DMD: variants seen among roughly 807,000 people sequenced by gnomAD.
DMD encodes dystrophin.
In DMD, 63 loss-of-function variants were observed where a neutral mutation model predicts 330.1. The ratio of observed to expected loss-of-function variants is 0.19; its 90% CI spans 0.16 to 0.24. The LOEUF is 0.24. Among genes scored for constraint, DMD ranks in the 10% least tolerant of loss-of-function variants. The probability of loss-of-function intolerance (pLI) is 1.00; values close to 1 mark genes in which losing one functional copy is unlikely to be tolerated. For synonymous variants in DMD, 1,223 were observed against 959.8 expected, an observed-to-expected ratio of 1.27 and a Z score of -5.07; for missense variants, 3,344 against 2,684.1, an observed-to-expected ratio of 1.25 and a Z score of -5.43.
At chrX:31,792,815 C>T (rs112126104) in intron 50 of DMD, among the ~76,000 whole-genome samples, 4,807 of 111,642 alleles carry the variant, frequency 0.043, 109 homozygotes, top group Middle Eastern at 0.12. Flanking sequence ...CTGCCATCCA[C>T]GGACAGCTTA....
chrX:32,123,202 C>T (rs1330393968), intron 44 of DMD, among the ~76,000 whole-genome samples: 28 of 32,556 alleles, frequency 8.6e-4, no homozygotes, highest in Non-Finnish European at 1.2e-3. Context: ...TGTGAGCATG[C>T]ATATATATAT....
intron 62 of DMD, among the ~76,000 whole-genome samples, chrX:31,281,940 A>AT (rs758918748): frequency 5.8e-4 from 65 of 111,471 alleles, no homozygotes; most frequent in Middle Eastern, 4.6e-3. Flanking sequence ...TATGGCCCTC[A>AT]AATGAGTTGA....
At chrX:33,122,774 C>T (rs1037012042) in intron 1 of DMD, among the ~76,000 whole-genome samples, 3 of 111,764 alleles carry the variant, frequency 2.7e-5, no homozygotes, top group Non-Finnish European at 5.6e-5. Flanking sequence ...TAAAAACAAG[C>T]GGGGACCTCC....
At chrX:33,105,883 G>GT (rs1308837188) in intron 1 of DMD, among the ~76,000 whole-genome samples, 1 of 111,649 alleles carries the variant, frequency 9.0e-6, no homozygotes, top group Non-Finnish European at 1.9e-5. Flanking sequence ...AGAACTAGAA[G>GT]TAGGTATACC....
chrX:32,761,309 C>T (rs1603376369), intron 7 of DMD, among the ~76,000 whole-genome samples: 1 of 110,323 alleles, frequency 9.1e-6, no homozygotes, highest in South Asian at 3.8e-4. Flanking sequence ...CGGTGATGCT[C>T]TTCACAGGAG....
intron 9 of DMD, among the ~76,000 whole-genome samples, chrX:32,679,896 T>G (rs1442507006): frequency 2.1e-5 from 2 of 95,136 alleles, no homozygotes; most frequent in African/African-American, 4.0e-5. Flanking sequence ...CGCTCTAATA[T>G]TTGTACTTTT....
At position 33,282,911 on chromosome X, in the gene DMD, G is replaced by A. The variant is rs111751863; in HGVS notation, c.7+56348C>T. On this transcript the variant is annotated intron_variant, in intron 1 of 17. Coordinates refer to the DMD transcript ENST00000288447. ...GCTGCAGTTTATTTTCCTCTAGCGC[G>A]AGGCTCTCAAAGCAGTTTGCTTTTC... is the stretch of plus-strand genomic sequence containing the variant. Among the ~76,000 whole-genome samples, 615 of 112,013 alleles carry A rather than the reference G, an allele frequency of 5.5e-3. 4 individuals are homozygous for A. Among genetic ancestry groups the A allele is most frequent in the African/African-American group, 0.019 (587 of 30,821 alleles).
chrX:32,662,544 T>G (rs2061013365), intron 9 of DMD, among the ~76,000 whole-genome samples: 1 of 112,043 alleles, frequency 8.9e-6, no homozygotes, highest in African/African-American at 3.2e-5. Context: ...GTGATTGCCT[T>G]GTAAACTTCT....
At chrX:31,122,067 C>G in intron 78 of DMD, 137 bp from the exon 79 acceptor site, 2 of 514,917 alleles carry the variant, frequency 3.9e-6, no homozygotes, top group Non-Finnish European at 6.7e-6. Context: ...AGGGTGTACA[C>G]AACAAGGTTT....
intron 21 of DMD, among the ~76,000 whole-genome samples, chrX:32,483,756 T>C (rs762374074): frequency 3.0e-5 from 3 of 100,662 alleles, no homozygotes; most frequent in Admixed American, 1.1e-4. Flanking sequence ...GAGCTGATAC[T>C]ATTTATAAAG....
At chrX:33,298,730 G>T (rs2053619457) in intron 1 of DMD, among the ~76,000 whole-genome samples, 1 of 111,787 alleles carries the variant, frequency 8.9e-6, no homozygotes, top group South Asian at 3.7e-4. Flanking sequence ...GAGTGTTGTT[G>T]GTCTCAGGAA....
intron 2 of DMD, among the ~76,000 whole-genome samples, chrX:33,005,260 C>T (rs1008129666): frequency 6.4e-4 from 51 of 79,881 alleles, no homozygotes; most frequent in Non-Finnish European, 1.3e-3. Flanking sequence ...AACTTTTGGA[C>T]TTTACACACA....
intron 63 of DMD, among the ~76,000 whole-genome samples, chrX:31,227,144 A>T (rs1410771738): frequency 1.8e-5 from 2 of 110,731 alleles, no homozygotes; most frequent in African/African-American, 6.6e-5. Context: ...TTATGACCCC[A>T]ATTCTACCCT....
chrX:32,174,497 C>T (rs963402199), intron 44 of DMD, among the ~76,000 whole-genome samples: 3 of 112,070 alleles, frequency 2.7e-5, no homozygotes, highest in Non-Finnish European at 5.6e-5. Context: ...CACAATGACA[C>T]ATCTTCATTT....
At chrX:32,400,101 A>G (rs923669127) in intron 30 of DMD, among the ~76,000 whole-genome samples, 4 of 111,639 alleles carry the variant, frequency 3.6e-5, no homozygotes, top group Non-Finnish European at 5.6e-5. Flanking sequence ...GGTTTGTCAT[A>G]GATAGCTCTT....
At chrX:33,198,629 T>C (rs930065667) in intron 1 of DMD, among the ~76,000 whole-genome samples, 20 of 111,551 alleles carry the variant, frequency 1.8e-4, no homozygotes, top group African/African-American at 6.5e-4. Flanking sequence ...AGTAACTTAT[T>C]TAAAAATATA....
chrX:32,519,863 A>G (rs1371548743), intron 17 of DMD, among the ~76,000 whole-genome samples: 1 of 112,224 alleles, frequency 8.9e-6, no homozygotes, highest in Admixed American at 9.4e-5. Context: ...AAGCCCTTAG[A>G]AAAACATATT....
chrX:32,373,116 C>T (rs1054673038), intron 34 of DMD, among the ~76,000 whole-genome samples: 2 of 110,369 alleles, frequency 1.8e-5, no homozygotes, highest in South Asian at 3.9e-4. Flanking sequence ...TATCTTTAAA[C>T]ATCTTAAATT....
intron 30 of DMD, among the ~76,000 whole-genome samples, chrX:32,407,894 G>A (rs1227534217): frequency 9.9e-6 from 1 of 100,677 alleles, no homozygotes; most frequent in Non-Finnish European, 2.0e-5. Flanking sequence ...AACACCGCAT[G>A]TTCTCACTCA....
Sources: gnomAD v4.1 joint callset for allele counts (sites outside exome capture counted in the v4.1 genomes callset) on GRCh38, gnomAD v4.1.1 for gene constraint, MANE v1.5 for transcripts, NCBI Gene and HGNC (gene_info 2026-07-23, HGNC 2026-07-21) for gene names.